Variants in UROS observed in about 807,000 individuals in gnomAD.
The protein encoded by UROS is uroporphyrinogen III synthase.
A neutral mutation model predicts 33.0 loss-of-function variants in UROS; 18 were observed. The observed-to-expected ratio is 0.55, with a 90% confidence interval of 0.38 to 0.81. The LOEUF (loss-of-function observed/expected upper bound fraction) is 0.81, where lower values mean the gene tolerates loss of function less well. UROS is among the 30% of genes least tolerant of loss of function. UROS has a pLI of 0.00. For synonymous variants in UROS, 114 were observed against 121.1 expected, an observed-to-expected ratio of 0.94 and a Z score of 0.38; for missense variants, 293 against 314.9, an observed-to-expected ratio of 0.93 and a Z score of 0.53.
intron 6 of UROS, among the ~76,000 whole-genome samples, chr10:125,803,774 T>G (rs919857289): frequency 6.6e-6 from 1 of 152,184 alleles, no homozygotes; most frequent in Non-Finnish European, 1.5e-5. Context: ...TGCCACCCAC[T>G]GCCCCTGCCA....
intron 9 of UROS, chr10:125,793,995 C>G (rs1292843560): frequency 6.6e-6 from 1 of 152,190 alleles, no homozygotes; most frequent in African/African-American, 2.4e-5. Context: ...TAATGAGGAA[C>G]ACTGACCTCT....
At position 125,812,306 on chromosome 10, in the gene UROS, A is replaced by T. The variant is rs1173206202; in HGVS notation, c.245-18T>A. The T allele has an allele frequency of 6.2e-7, 1 of 1,611,982 alleles. No individual in the cohort carries two copies. Among genetic ancestry groups the T allele is most frequent in the South Asian group, 1.1e-5 (1 of 91,056 alleles). On this transcript the variant is annotated intron_variant, in intron 4 of 9. Coordinates refer to ENST00000368797, the MANE Select transcript of UROS (RefSeq NM_000375.3). ...TTCCCAGACTGTAAAACATGAAATGATATGTGAATTGCAAATACCAAAGTG... is the reference window on the plus strand; with the variant it reads ...TTCCCAGACTGTAAAACATGAAATGTTATGTGAATTGCAAATACCAAAGTG...
At chr10:125,812,386 A>G in intron 4 of UROS, 98 bp from the exon 5 acceptor site, 1 of 1,058,396 alleles carries the variant, frequency 9.4e-7, no homozygotes, top group Non-Finnish European at 1.4e-6. Context: ...CTGTGAGCAA[A>G]GCAAACTATT....
At chr10:125,794,780 AG>A in intron 9 of UROS, 99 bp downstream of exon 9, 1 of 1,162,148 alleles carries the variant, frequency 8.6e-7, no homozygotes, top group South Asian at 1.4e-5. Context: ...CTGCTAGGCC[AG>A]GGGTGTCTCA....
intron 8 of UROS, chr10:125,795,198 G>T (rs935096220): frequency 3.1e-5 from 18 of 588,588 alleles, no homozygotes; most frequent in African/African-American, 2.8e-4. Context: ...AGCTGGTGCT[G>T]CCCCAGGTCT....
intron 5 of UROS, 88 bp downstream of exon 5, chr10:125,812,126 T>C (rs371701901): frequency 3.0e-6 from 4 of 1,320,612 alleles, no homozygotes; most frequent in South Asian, 1.2e-5. Flanking sequence ...AAGCAAAAAA[T>C]AATATTTTTA....
Position 125,798,345 on chromosome 10 carries a change from A to G in UROS, c.395-200T>C, listed in dbSNP as rs143359864. 3.6e-3 allele frequency among the ~76,000 whole-genome samples: 551 copies of G among 152,322 alleles called. 1 individual carries two copies. The highest frequency in any genetic ancestry group is 4.9e-3 in the Non-Finnish European group (332 of 68,018). ...CTTGAAGGGTTGTTATATGAAGATC[A>G]TAAGAGGTAATGTGTGTGGAGGTGC... On this transcript the variant is annotated intron_variant, in intron 6 of 9. Coordinates refer to ENST00000368797, the MANE Select transcript of UROS (RefSeq NM_000375.3).
In UROS at chr10:125,807,504, A is replaced by C; in HGVS notation, c.320-17T>G. ...TTTTACTCACTGGAAAACCACAAAG[A>C]AATGTATTTCTTAACACGGTTATTG... On this transcript the variant is annotated splice_polypyrimidine_tract_variant and intron_variant, in intron 5 of 9. Transcript: ENST00000368797. The C allele has an allele frequency of 6.2e-7, 1 of 1,606,010 alleles. No individual in the cohort carries two copies. The highest frequency in any genetic ancestry group is 8.5e-7 in the Non-Finnish European group (1 of 1,172,858).
intron 3 of UROS, 117 bp downstream of exon 3, chr10:125,816,060 G>T: frequency 1.9e-6 from 2 of 1,073,414 alleles, no homozygotes; most frequent in Non-Finnish European, 1.4e-6. Context: ...AAGTTATGCT[G>T]CCATGTTTTA....
At chr10:125,789,087 G>A (rs761938747) in intron 9 of UROS, 82 bp from the exon 10 acceptor site, 37 of 1,553,902 alleles carry the variant, frequency 2.4e-5, no homozygotes, top group African/African-American at 4.1e-5. Flanking sequence ...TGCAGGGGCC[G>A]TCAGCCAGCT....
Position 125,815,073 on chromosome 10 carries a change from C to T in UROS, c.205G>A (p.Ala69Thr). The T allele has an allele frequency of 1.2e-6, 2 of 1,614,238 alleles. No individual in the cohort carries two copies. Among genetic ancestry groups the T allele is most frequent in the Non-Finnish European group, 1.7e-6 (2 of 1,180,046 alleles). ...LIFTSPRAVE[A>T]AELCLEQNNK... ...TTTTGCTCCAAACATAACTCTGCTG[C>T]TTCCACTGCTCTGGGGCTGGTAAAA... Residue 69 changes from alanine (A) to threonine (T), a missense_variant, in exon 4 of 10, where the codon GCA becomes ACA. By Grantham distance (58) the Ala-to-Thr change is moderately conservative (BLOSUM62 0). Transcript: ENST00000368797.
Position 125,807,287 on chromosome 10 carries a change from A to C in UROS, c.394+126T>G, listed in dbSNP as rs574561846. 9.9e-4 allele frequency: 829 copies of C among 837,478 alleles called. 3 individuals carry two copies. The highest frequency in any genetic ancestry group is 1.3e-3 in the Non-Finnish European group (681 of 506,600). The allele number at this position is 837,478 out of a possible 1,614,324, so 51.9% of individuals were successfully genotyped here. On this transcript the variant is annotated intron_variant, in intron 6 of 9. Transcript: ENST00000368797. The stretch of plus-strand genomic sequence containing the variant: ...ATAGGCTATGCTCCCAGAGTGGGTT[A>C]TACGATGCTCACCAATCAATCTCAC...
chr10:125,803,139 A>C, intron 6 of UROS: 3 of 1,434,674 alleles, frequency 2.1e-6, no homozygotes, highest in Non-Finnish European at 2.9e-6. Flanking sequence ...CTTGAGCCCC[A>C]GCCTACCACT....
intron 4 of UROS, among the ~76,000 whole-genome samples, chr10:125,814,083 C>G (rs979098359): frequency 6.6e-5 from 10 of 152,194 alleles, no homozygotes; most frequent in Non-Finnish European, 1.0e-4. Context: ...AGTGAAAATA[C>G]TAAGCACATC....
chr10:125,802,993 T>C, intron 6 of UROS: 2 of 1,612,940 alleles, frequency 1.2e-6, no homozygotes, highest in Non-Finnish European at 1.7e-6. Context: ...ACCCACTTTC[T>C]TCACTTCAAA....
At chr10:125,789,270 G>A in intron 9 of UROS, 1 of 1,402,156 alleles carries the variant, frequency 7.1e-7, no homozygotes, top group South Asian at 1.5e-5. Flanking sequence ...GAAGGCCCCA[G>A]GCTGGTGCTC....
At chr10:125,813,253 C>T (rs1852975541) in intron 4 of UROS, among the ~76,000 whole-genome samples, 1 of 152,202 alleles carries the variant, frequency 6.6e-6, no homozygotes, top group East Asian at 1.9e-4. Context: ...TCAGTTAACG[C>T]ACCTCGTCTG....
chr10:125,805,769 T>C (rs919635049), intron 6 of UROS, among the ~76,000 whole-genome samples: 13 of 152,154 alleles, frequency 8.5e-5, no homozygotes, highest in Non-Finnish European at 1.8e-4. Context: ...TTAAATGACA[T>C]CATACAGGCC....
intron 6 of UROS, among the ~76,000 whole-genome samples, chr10:125,804,110 T>C (rs1216993536): frequency 6.6e-6 from 1 of 152,352 alleles, no homozygotes; most frequent in East Asian, 1.9e-4. Flanking sequence ...CTGGAGTTTA[T>C]GCTAATGAGG....
Sources: allele counts gnomAD v4.1 joint callset (sites outside exome capture counted in the v4.1 genomes callset), GRCh38; gene constraint gnomAD v4.1.1; transcripts MANE v1.5; gene names NCBI Gene and HGNC (gene_info 2026-07-23, HGNC 2026-07-21).